The following FHIT variants were observed in gnomAD, a reference collection of about 807,000 sequenced individuals.
FHIT encodes fragile histidine triad diadenosine triphosphatase.
In FHIT, 19 loss-of-function variants were observed where a neutral mutation model predicts 17.9. The observed-to-expected ratio is 1.06, with a 90% CI of 0.74 to 1.56. FHIT has a LOEUF of 1.56. Among genes scored for constraint, FHIT ranks in the 40% most tolerant of loss-of-function variants. FHIT has a pLI of 0.00. For synonymous variants in FHIT, 81 were observed against 69.7 expected (o/e 1.16, Z -0.81); for missense variants, 248 against 189.2 (o/e 1.31, Z -1.82).
At chr3:60,100,257 G>C (rs1039950456) in intron 5 of FHIT, among the ~76,000 whole-genome samples, 1 of 152,018 alleles carries the variant, frequency 6.6e-6, no homozygotes, top group Non-Finnish European at 1.5e-5. Context: ...GGTGGTGGAC[G>C]CCTGTAGTCC....
intron 4 of FHIT, among the ~76,000 whole-genome samples, chr3:60,623,952 G>A (rs1317932843): frequency 6.6e-6 from 1 of 152,166 alleles, no homozygotes; most frequent in African/African-American, 2.4e-5. Context: ...GTAAAACATA[G>A]TGTTTGCTTT....
At chr3:59,976,599 G>A (rs994892991) in intron 7 of FHIT, among the ~76,000 whole-genome samples, 1 of 151,904 alleles carries the variant, frequency 6.6e-6, no homozygotes, top group African/African-American at 2.4e-5. Context: ...ACATCTCCAG[G>A]CACACGCCCC....
At chr3:61,067,613 C>T (rs189395633) in intron 2 of FHIT, among the ~76,000 whole-genome samples, 27 of 152,260 alleles carry the variant, frequency 1.8e-4, no homozygotes, top group Non-Finnish European at 3.5e-4. Flanking sequence ...ATTGATACAA[C>T]ATAGCCCAGG....
At chr3:60,178,436 A>T (rs1333714265) in intron 5 of FHIT, among the ~76,000 whole-genome samples, 3 of 151,970 alleles carry the variant, frequency 2.0e-5, no homozygotes, top group African/African-American at 7.3e-5. Flanking sequence ...AAATACAAAA[A>T]TTACCTGGGT....
chr3:60,459,259 CAA>C (rs1011379013), intron 5 of FHIT, among the ~76,000 whole-genome samples: 1 of 152,056 alleles, frequency 6.6e-6, no homozygotes, highest in Non-Finnish European at 1.5e-5. Flanking sequence ...TATAGTTTAC[CAA>C]AGTTTCCAAG....
intron 8 of FHIT, among the ~76,000 whole-genome samples, chr3:59,865,278 C>T (rs967197625): frequency 1.3e-5 from 2 of 150,394 alleles, no homozygotes; most frequent in Non-Finnish European, 3.0e-5. Flanking sequence ...GTCTTTTAAA[C>T]CATGGCTGTC....
intron 8 of FHIT, among the ~76,000 whole-genome samples, chr3:59,893,961 A>G (rs1476615260): frequency 7.1e-6 from 1 of 140,658 alleles, no homozygotes; most frequent in Non-Finnish European, 1.5e-5. Flanking sequence ...AGTTTGGCAT[A>G]GAGATTAAGA....
At chr3:59,875,941 A>G (rs948770700) in intron 8 of FHIT, among the ~76,000 whole-genome samples, 1 of 131,472 alleles carries the variant, frequency 7.6e-6, no homozygotes, top group East Asian at 2.6e-4. Context: ...TGTTTGATAA[A>G]AAAAGAAAAA....
intron 5 of FHIT, among the ~76,000 whole-genome samples, chr3:60,328,726 T>C (rs1709821784): frequency 6.6e-6 from 1 of 152,118 alleles, no homozygotes; most frequent in African/African-American, 2.4e-5. Context: ...CCACCAATAA[T>C]AAGATTGTGC....
chr3:60,559,749 GCATGTCCCTCT>G (rs779873525), intron 4 of FHIT, among the ~76,000 whole-genome samples: 3 of 151,712 alleles, frequency 2.0e-5, no homozygotes, highest in African/African-American at 4.8e-5. Context: ...ATGAGAAAAA[GCATGTCCCTCT>G]TACGGGCACT....
intron 4 of FHIT, among the ~76,000 whole-genome samples, chr3:60,742,559 C>A (rs1452951223): frequency 6.6e-6 from 1 of 152,200 alleles, no homozygotes; most frequent in Non-Finnish European, 1.5e-5. Context: ...GAATAATGTT[C>A]TAACACTTCA....
At chr3:60,178,853 G>A (rs999046603) in intron 5 of FHIT, among the ~76,000 whole-genome samples, 1 of 152,106 alleles carries the variant, frequency 6.6e-6, no homozygotes, top group African/African-American at 2.4e-5. Flanking sequence ...ACCCTGAGAA[G>A]TTCTGCAGTA....
At chr3:60,922,332 GT>G (rs1707328683) in intron 3 of FHIT, among the ~76,000 whole-genome samples, 6 of 152,154 alleles carry the variant, frequency 3.9e-5, no homozygotes. Context: ...ACTCTACAGT[GT>G]TCTCTCTGGC....
intron 8 of FHIT, among the ~76,000 whole-genome samples, chr3:59,788,428 G>T (rs374607427): frequency 6.6e-5 from 10 of 152,210 alleles, no homozygotes; most frequent in African/African-American, 2.4e-4. Flanking sequence ...AGGCCTTTTA[G>T]GTCTTCAGAC....
At chr3:60,370,372 C>T (rs1576551701) in intron 5 of FHIT, among the ~76,000 whole-genome samples, 1 of 152,162 alleles carries the variant, frequency 6.6e-6, no homozygotes, top group Non-Finnish European at 1.5e-5. Context: ...TCTATTCATA[C>T]TCCAGAACCT....
chr3:60,434,525 C>T (rs2030034106), intron 5 of FHIT, among the ~76,000 whole-genome samples: 1 of 152,008 alleles, frequency 6.6e-6, no homozygotes, highest in South Asian at 2.1e-4. Context: ...TATCCTAGTC[C>T]CCCACCAGGA....
chr3:59,854,507 T>C (rs1355175805), intron 8 of FHIT, among the ~76,000 whole-genome samples: 1 of 152,200 alleles, frequency 6.6e-6, no homozygotes, highest in African/African-American at 2.4e-5. Flanking sequence ...TCTTAGGGAA[T>C]CCAGGTGCTG....
At chr3:60,802,242 A>G (rs1255118873) in intron 4 of FHIT, among the ~76,000 whole-genome samples, 2 of 152,224 alleles carry the variant, frequency 1.3e-5, no homozygotes, top group African/African-American at 4.8e-5. Flanking sequence ...TAAAAATGAC[A>G]ATCTATTAGT....
At chr3:61,242,407 G>A (rs374472036) in intron 1 of FHIT, among the ~76,000 whole-genome samples, 105 of 152,206 alleles carry the variant, frequency 6.9e-4, no homozygotes, top group African/African-American at 2.5e-3. Flanking sequence ...CTACCAGAGA[G>A]ACTTCTTACC....
Sources: allele counts gnomAD v4.1 joint callset (sites outside exome capture counted in the v4.1 genomes callset), GRCh38; gene constraint gnomAD v4.1.1; transcripts MANE v1.5; gene names NCBI Gene and HGNC (gene_info 2026-07-23, HGNC 2026-07-21).